Variants in PDE8B observed in about 807,000 individuals in gnomAD.
The protein encoded by PDE8B is high affinity cAMP-specific and IBMX-insensitive 3',5'-cyclic phosphodiesterase 8B.
In PDE8B, 26 loss-of-function variants were observed where a neutral mutation model predicts 101.3. The observed-to-expected ratio is 0.26, with a 90% CI of 0.19 to 0.36. The LOEUF (loss-of-function observed/expected upper bound fraction) is 0.36. Among genes scored for constraint, PDE8B ranks in the 10% least tolerant of loss-of-function variants. The pLI, the probability that PDE8B is intolerant of heterozygous loss-of-function variation, is 1.00. For synonymous variants in PDE8B, 424 were observed against 429.3 expected (o/e 0.99, Z 0.15); for missense variants, 810 against 1,163.1 (o/e 0.70, Z 4.42).
the PDE8B span, among the ~76,000 whole-genome samples, chr5:77,109,271 C>T: frequency 6.6e-6 from 1 of 152,254 alleles, no homozygotes; most frequent in African/African-American, 2.4e-5. Context: ...TTCAATGAGT[C>T]TGTTATCCCA....
chr5:77,298,710 C>T (rs1176792903), intron 1 of PDE8B, among the ~76,000 whole-genome samples: 4 of 152,300 alleles, frequency 2.6e-5, no homozygotes, highest in East Asian at 1.9e-4. Flanking sequence ...CAGGGATCCC[C>T]GGGAATCCTT....
chr5:77,411,655 C>T, intron 14 of PDE8B, 21 bp from the exon 15 acceptor site: 1 of 1,589,514 alleles, frequency 6.3e-7, no homozygotes, highest in Non-Finnish European at 8.6e-7. Context: ...ATGCTTCTAA[C>T]AGGCTCTTCC....
intron 10 of PDE8B, among the ~76,000 whole-genome samples, chr5:77,364,407 C>T (rs1214914865): frequency 1.3e-5 from 2 of 152,162 alleles, no homozygotes; most frequent in African/African-American, 4.8e-5. Flanking sequence ...TCTGTGGTGC[C>T]TCATTTAAAT....
chr5:77,310,721 G>C (rs1772408452), intron 1 of PDE8B, among the ~76,000 whole-genome samples: 1 of 152,160 alleles, frequency 6.6e-6, no homozygotes, highest in Non-Finnish European at 1.5e-5. Context: ...CCTCAGATGA[G>C]CAGTCATTAG....
chr5:77,206,771 A>G (rs963346075), upstream of PDE8B, among the ~76,000 whole-genome samples: 3 of 152,198 alleles, frequency 2.0e-5, no homozygotes, highest in Admixed American at 1.3e-4. Context: ...CCCTGAAGAA[A>G]GTCTCTGGGA....
the PDE8B span, among the ~76,000 whole-genome samples, chr5:77,192,586 T>C: frequency 6.6e-6 from 1 of 152,214 alleles, no homozygotes; most frequent in Non-Finnish European, 1.5e-5. Context: ...CTAATGAACA[T>C]TTGGGTTGTT....
intron 1 of PDE8B, among the ~76,000 whole-genome samples, chr5:77,255,070 G>A (rs541458061): frequency 6.6e-6 from 1 of 152,258 alleles, no homozygotes; most frequent in Non-Finnish European, 1.5e-5. Flanking sequence ...CCTCCGAAGT[G>A]GTGCCCTCCC....
At chr5:77,170,876 C>A in the PDE8B span, among the ~76,000 whole-genome samples, 1 of 152,192 alleles carries the variant, frequency 6.6e-6, no homozygotes, top group African/African-American at 2.4e-5. Context: ...TTCATTTAGT[C>A]AGTCAACAAA....
At chr5:77,349,332 C>T in intron 7 of PDE8B, 87 bp from the exon 8 acceptor site, 1 of 1,563,194 alleles carries the variant, frequency 6.4e-7, no homozygotes, top group East Asian at 2.2e-5. Context: ...CTCTGGGTCC[C>T]AACAAGTCTT....
the PDE8B span, among the ~76,000 whole-genome samples, chr5:77,204,053 T>G: frequency 6.8e-6 from 1 of 147,882 alleles, no homozygotes; most frequent in Non-Finnish European, 1.5e-5. Context: ...ACCCTTAGTT[T>G]TTTTTTTTTT....
chr5:77,373,374 A>G (rs1420698233), intron 10 of PDE8B, among the ~76,000 whole-genome samples: 1 of 152,214 alleles, frequency 6.6e-6, no homozygotes, highest in Non-Finnish European at 1.5e-5. Context: ...TATTTAAAGC[A>G]TACAGTTTGA....
At chr5:77,360,136 T>C (rs1782833531) in intron 10 of PDE8B, among the ~76,000 whole-genome samples, 1 of 151,726 alleles carries the variant, frequency 6.6e-6, no homozygotes, top group Admixed American at 6.6e-5. Context: ...TGGTAATGGA[T>C]AATGAACAGA....
chr5:77,276,340 C>T (rs1423190080), intron 1 of PDE8B, among the ~76,000 whole-genome samples: 1 of 152,218 alleles, frequency 6.6e-6, no homozygotes, highest in African/African-American at 2.4e-5. Context: ...TGGCTCAGCT[C>T]AAAGGCCTCT....
chr5:77,373,007 G>A (rs1023463007), intron 10 of PDE8B, among the ~76,000 whole-genome samples: 2 of 148,978 alleles, frequency 1.3e-5, no homozygotes, highest in African/African-American at 5.0e-5. Context: ...CAGCCTGGGC[G>A]ACAGAGTGAG....
At chr5:77,319,598 G>A (rs1581015825) in intron 2 of PDE8B, among the ~76,000 whole-genome samples, 1 of 152,306 alleles carries the variant, frequency 6.6e-6, no homozygotes, top group African/African-American at 2.4e-5. Flanking sequence ...GTGGAATGCC[G>A]ACACTGCTGT....
At chr5:77,207,178 G>T (rs1336197360), upstream of PDE8B, among the ~76,000 whole-genome samples, 1 of 152,224 alleles carries the variant, frequency 6.6e-6, no homozygotes, top group Non-Finnish European at 1.5e-5. Flanking sequence ...AGGTTGATTG[G>T]TTGATTAAAT....
chr5:77,184,103 A>G, the PDE8B span, among the ~76,000 whole-genome samples: 1 of 151,972 alleles, frequency 6.6e-6, no homozygotes, highest in Non-Finnish European at 1.5e-5. Flanking sequence ...ATTAGCTGGG[A>G]CTATAGGCGT....
chr5:77,299,518 C>T (rs558358618), intron 1 of PDE8B, among the ~76,000 whole-genome samples: 8 of 146,184 alleles, frequency 5.5e-5, no homozygotes, highest in African/African-American at 1.5e-4. Context: ...TGAGAACATG[C>T]GGTATTTGGT....
chr5:77,399,149 A>C (rs369741159), intron 10 of PDE8B, among the ~76,000 whole-genome samples: 11 of 152,390 alleles, frequency 7.2e-5, no homozygotes, highest in East Asian at 3.9e-4. Context: ...CAAGAATGCT[A>C]TGTGAATCTG....
Sources: allele counts gnomAD v4.1 joint callset (sites outside exome capture counted in the v4.1 genomes callset), GRCh38; gene constraint gnomAD v4.1.1; transcripts MANE v1.5; gene names NCBI Gene and HGNC (gene_info 2026-07-23, HGNC 2026-07-21).